The following EPB41L3 variants were observed in gnomAD, a reference collection of about 807,000 sequenced individuals.
The protein encoded by EPB41L3 is erythrocyte membrane protein band 4.1 like 3.
Under a neutral mutation model 127.1 loss-of-function variants are expected in EPB41L3, and 57 were observed. The ratio of observed to expected loss-of-function variants is 0.45; its 90% confidence interval spans 0.36 to 0.56. The LOEUF is 0.56. EPB41L3 is among the 20% of genes least tolerant of loss of function. The pLI is 0.00. For synonymous variants in EPB41L3, 572 were observed against 549.5 expected, an observed-to-expected ratio of 1.04 and a Z score of -0.57; for missense variants, 1,273 against 1,372.2, an observed-to-expected ratio of 0.93 and a Z score of 1.14.
chr18:5,547,207 C>G (rs2093895512), upstream of EPB41L3, among the ~76,000 whole-genome samples: 1 of 152,216 alleles, frequency 6.6e-6, no homozygotes. Context: ...AGAATACTAA[C>G]TTCTCTCCTT....
intron 1 of EPB41L3, among the ~76,000 whole-genome samples, chr18:5,508,715 C>T (rs1323722437): frequency 1.4e-5 from 2 of 140,730 alleles, no homozygotes; most frequent in African/African-American, 5.4e-5. Context: ...TGCAGTGAGC[C>T]GAGATAGCAC....
rs1187155965 is a variant in EPB41L3, at chr18:5,395,619, T to A, written c.3062A>T (p.His1021Leu). The A allele has an allele frequency of 6.2e-6, 10 of 1,613,846 alleles. No individual in the cohort carries two copies. The highest frequency in any genetic ancestry group is 3.3e-5 in the Admixed American group (2 of 59,992). Residue 1021 changes from histidine (H) to leucine (L), a missense_variant, in exon 20 of 23, where the codon CAC becomes CTC. Around this residue, in one of 3 missense-constraint regions of EPB41L3, gnomAD observed 765 missense variants for 782.9 expected, o/e 0.98. Coordinates refer to ENST00000341928, the MANE Select transcript of EPB41L3 (RefSeq NM_012307.5). ...SETTSTTTTT[H>L]ITKTVKGGIS... is the part of the protein sequence containing the mutation. ...TCTCACTCCACTTACTTTGGTGATGTGCGTAGTGGTGGTGGTACTGGTGGT... is the reference window on the plus strand; with the variant it reads ...TCTCACTCCACTTACTTTGGTGATGAGCGTAGTGGTGGTGGTACTGGTGGT...
At chr18:5,549,786 C>T (rs1785386) in intron 3 of EPB41L3, among the ~76,000 whole-genome samples, 35,755 of 151,930 alleles carry the variant, frequency 0.24, 5,766 homozygotes, top group African/African-American at 0.46. Context: ...CCAGTCCATA[C>T]CAAAAATCCC....
At chr18:5,488,032 C>T (rs1172204588) in intron 2 of EPB41L3, among the ~76,000 whole-genome samples, 1 of 152,070 alleles carries the variant, frequency 6.6e-6, no homozygotes, top group Non-Finnish European at 1.5e-5. Context: ...ATTTTGATTC[C>T]AAGTTTGAAG....
chr18:5,450,572 T>C (rs1332946535), intron 3 of EPB41L3, among the ~76,000 whole-genome samples: 4 of 151,610 alleles, frequency 2.6e-5, no homozygotes, highest in South Asian at 4.2e-4. Flanking sequence ...ATCTACTAAC[T>C]AAAAAGAGAA....
upstream of EPB41L3, among the ~76,000 whole-genome samples, chr18:5,629,710 G>A (rs945701325): frequency 6.6e-6 from 1 of 152,236 alleles, no homozygotes; most frequent in East Asian, 1.9e-4. Context: ...GGGAGCACTA[G>A]AGAGAGAGCC....
chr18:5,402,854 G>A (rs1051453241), intron 16 of EPB41L3, among the ~76,000 whole-genome samples: 1 of 152,086 alleles, frequency 6.6e-6, no homozygotes, highest in African/African-American at 2.4e-5. Context: ...GGTGATTAAA[G>A]GTTTCTACAA....
chr18:5,466,752 A>G (rs2085068585), intron 3 of EPB41L3, among the ~76,000 whole-genome samples: 1 of 151,564 alleles, frequency 6.6e-6, no homozygotes. Flanking sequence ...AGATGATCAA[A>G]AACTCAAGTG....
At chr18:5,498,594 C>CA (rs397828412) in intron 1 of EPB41L3, among the ~76,000 whole-genome samples, 2 of 70,498 alleles carry the variant, frequency 2.8e-5, no homozygotes, top group African/African-American at 1.2e-4. Flanking sequence ...GACTCCATCT[C>CA]AAAAAAAAAA....
At chr18:5,404,848 A>C (rs931391241) in intron 16 of EPB41L3, among the ~76,000 whole-genome samples, 1 of 152,208 alleles carries the variant, frequency 6.6e-6, no homozygotes, top group African/African-American at 2.4e-5. Context: ...ATTATTTCCA[A>C]AAGAGGTAGT....
upstream of EPB41L3, among the ~76,000 whole-genome samples, chr18:5,545,209 A>C (rs546325267): frequency 6.6e-6 from 1 of 152,270 alleles, no homozygotes; most frequent in East Asian, 1.9e-4. Flanking sequence ...GTACGTTATT[A>C]ATTTTTTTAA....
chr18:5,494,429 G>A (rs1194768656), intron 1 of EPB41L3, among the ~76,000 whole-genome samples: 7 of 152,168 alleles, frequency 4.6e-5, no homozygotes, highest in Admixed American at 2.0e-4. Flanking sequence ...AGGCCAAGTC[G>A]GGTGGATCCT....
Position 5,541,372 on chromosome 18 carries a change from T to C in EPB41L3, c.-12+2541A>G, listed in dbSNP as rs184513622. Among the ~76,000 whole-genome samples the C allele has an allele frequency of 1.8e-3, 267 of 151,706 alleles. 1 individual carries two copies. Among genetic ancestry groups the C allele is most frequent in the African/African-American group, 6.0e-3 (250 of 41,378 alleles). ...GAGTTCTATTTTACTGGAGTGGACA[T>C]GAATTCTAATTTGTGAATTTTAGGG... is the stretch of plus-strand genomic sequence containing the variant. On this transcript the variant is annotated intron_variant, in intron 1 of 22. Coordinates refer to ENST00000341928, the MANE Select transcript of EPB41L3 (RefSeq NM_012307.5).
rs1289539851 is a variant in EPB41L3, at chr18:5,400,785, C to T, written c.2350-2642G>A. 5 of 582,488 alleles carry T rather than the reference C, an allele frequency of 8.6e-6. No individual in the cohort carries two copies. The African/African-American group carries it at 9.3e-5, about 11-fold the overall frequency. The allele number at this position is 582,488 out of a possible 1,614,324, so 36.1% of individuals were successfully genotyped here. ...GAAGCCATGAAGAAATGATGCATAA[C>T]TGATAACTAAAATATTAAGAAAATT... On this transcript the variant is annotated intron_variant, in intron 16 of 22. Transcript: ENST00000341928.
upstream of EPB41L3, among the ~76,000 whole-genome samples, chr18:5,545,163 T>C (rs776709516): frequency 3.9e-5 from 6 of 152,194 alleles, no homozygotes; most frequent in Non-Finnish European, 8.8e-5. Context: ...TTCTTAGCTC[T>C]AGTCCTCGTG....
intron 1 of EPB41L3, among the ~76,000 whole-genome samples, chr18:5,510,403 AT>A (rs1463170721): frequency 6.6e-6 from 1 of 152,204 alleles, no homozygotes; most frequent in African/African-American, 2.4e-5. Context: ...GCCACGTAAC[AT>A]TTACCTAATA....
At chr18:5,512,464 T>C (rs536108446) in intron 1 of EPB41L3, among the ~76,000 whole-genome samples, 11 of 152,220 alleles carry the variant, frequency 7.2e-5, no homozygotes, top group African/African-American at 2.6e-4. Context: ...TCACGAGCGA[T>C]CTGACCGCAA....
At chr18:5,499,829 G>A (rs1209160001) in intron 1 of EPB41L3, among the ~76,000 whole-genome samples, 8 of 124,658 alleles carry the variant, frequency 6.4e-5, no homozygotes, top group African/African-American at 1.6e-4. Context: ...CTATGTGTGT[G>A]TATATATATA....
intron 1 of EPB41L3, among the ~76,000 whole-genome samples, chr18:5,530,577 C>A (rs927816019): frequency 2.0e-5 from 3 of 152,122 alleles, no homozygotes; most frequent in Admixed American, 1.3e-4. Flanking sequence ...GCCCATCTTA[C>A]TCGTCAGCCA....
Sources: allele counts gnomAD v4.1 joint callset (sites outside exome capture counted in the v4.1 genomes callset), GRCh38; gene constraint gnomAD v4.1.1; regional missense constraint gnomAD v4.1.1; transcripts MANE v1.5; gene names NCBI Gene and HGNC (gene_info 2026-07-23, HGNC 2026-07-21).